KPNA3: variants seen among roughly 807,000 people sequenced by gnomAD.
KPNA3 encodes the protein karyopherin subunit alpha 3.
KPNA3 carries 13 observed loss-of-function variants against 73.8 expected under a neutral mutation model. The ratio of observed to expected loss-of-function variants is 0.18; its 90% CI spans 0.11 to 0.28. The LOEUF is 0.28. KPNA3 is among the 10% of genes least tolerant of loss of function. The pLI is 1.00. For missense variants in KPNA3, 360 were observed against 618.1 expected (o/e 0.58, Z 4.43); for synonymous variants, 186 against 206.9 (o/e 0.90, Z 0.87).
chr13:49,734,869 T>C (rs1954505044), intron 2 of KPNA3, among the ~76,000 whole-genome samples: 1 of 151,734 alleles, frequency 6.6e-6, no homozygotes, highest in Admixed American at 6.6e-5. Context: ...CTTTGATGAA[T>C]TTCCCCTTCT....
At chr13:49,790,742 T>A (rs187817699) in intron 1 of KPNA3, among the ~76,000 whole-genome samples, 39 of 152,382 alleles carry the variant, frequency 2.6e-4, no homozygotes, top group African/African-American at 9.1e-4. Context: ...GTACCTATTA[T>A]GTGCAGGAGT....
chr13:49,792,602 G>C lies in KPNA3; in HGVS notation c.-96C>G, dbSNP rs965811797. 25 of 356,292 alleles carry C rather than the reference G, an allele frequency of 7.0e-5. No homozygotes were observed. Among genetic ancestry groups the C allele is most frequent in the East Asian group, 5.7e-4 (7 of 12,232 alleles). 22.1% of individuals were successfully genotyped at this position (356,292 alleles called of 1,614,324 possible). A position where few individuals can be genotyped will look rare whatever the true frequency, so the allele number is the denominator to read the frequency against. On this transcript the variant is annotated 5_prime_UTR_variant, in exon 1 of 17. Coordinates refer to ENST00000261667, the MANE Select transcript of KPNA3 (RefSeq NM_002267.4). Reference sequence around the variant, plus strand: ...AGGGGGAGGAGGGGGAGAGCGGGAGGGGGGAGGGGAGAGAAGAGCACGTTC... The same window carrying C: ...AGGGGGAGGAGGGGGAGAGCGGGAGCGGGGAGGGGAGAGAAGAGCACGTTC...
intron 1 of KPNA3, among the ~76,000 whole-genome samples, chr13:49,748,959 T>C (rs1471605103): frequency 6.6e-6 from 1 of 152,220 alleles, no homozygotes; most frequent in Non-Finnish European, 1.5e-5. Context: ...ACTGGAAGAT[T>C]AGAACTCTAC....
rs748646892 is a variant in KPNA3 at position 49,792,456 on chromosome 13, G to C, written c.51C>G (p.Asn17Lys). The C allele has an allele frequency of 8.9e-6, 14 of 1,581,304 alleles. No homozygotes were observed. Among genetic ancestry groups the C allele is most frequent in the Non-Finnish European group, 3.4e-6 (4 of 1,165,560 alleles). ...CACTCACTTCCACATCGCGGCCCTT[G>C]TTCTTGAAGCTCTTGATGCGGTGGT... ...LENHRIKSFKNKGRDVETMRR... is the reference protein window; with the variant it reads ...LENHRIKSFKKKGRDVETMRR... Residue 17 changes from asparagine to lysine, a missense_variant, in exon 1 of 17, where the codon AAC becomes AAG. Physicochemically the swap from Asn to Lys is moderately conservative, Grantham distance 94 (BLOSUM62 0). Around this residue, in one of 3 missense-constraint regions of KPNA3, gnomAD observed 35 missense variants for 30.0 expected, o/e 1.17. Coordinates refer to ENST00000261667, the MANE Select transcript of KPNA3 (RefSeq NM_002267.4).
At chr13:49,704,966 C>T (rs904579732) in intron 15 of KPNA3, among the ~76,000 whole-genome samples, 1 of 152,088 alleles carries the variant, frequency 6.6e-6, no homozygotes, top group South Asian at 2.1e-4. Flanking sequence ...TTAAGAAATG[C>T]TGGATTAAAT....
At chr13:49,759,585 A>G (rs935295300) in intron 1 of KPNA3, among the ~76,000 whole-genome samples, 1 of 152,146 alleles carries the variant, frequency 6.6e-6, no homozygotes, top group African/African-American at 2.4e-5. Context: ...ATGATGGGAG[A>G]TGGTGACAGA....
intron 1 of KPNA3, among the ~76,000 whole-genome samples, chr13:49,779,561 G>A (rs759694428): frequency 1.3e-5 from 2 of 151,996 alleles, no homozygotes; most frequent in Non-Finnish European, 2.9e-5. Flanking sequence ...TCAGTCGTTT[G>A]TTCCTTTTCT....
chr13:49,738,940 C>G (rs1954548869), intron 2 of KPNA3, among the ~76,000 whole-genome samples: 2 of 152,202 alleles, frequency 1.3e-5, no homozygotes. Context: ...TTTAGTCTTT[C>G]ACCATTAAGT....
intron 1 of KPNA3, among the ~76,000 whole-genome samples, chr13:49,772,477 A>G (rs889217006): frequency 6.6e-6 from 1 of 152,200 alleles, no homozygotes; most frequent in Non-Finnish European, 1.5e-5. Flanking sequence ...GTAAAATAGG[A>G]CAACCACCTT....
chr13:49,786,235 A>G (rs962050588), intron 1 of KPNA3, among the ~76,000 whole-genome samples: 8 of 152,218 alleles, frequency 5.3e-5, no homozygotes, highest in Non-Finnish European at 1.2e-4. Context: ...TTTTTCAGGT[A>G]TATCATCTAG....
At position 49,732,522 on chromosome 13, in the gene KPNA3, A is replaced by G. The variant is rs576242247; in HGVS notation, c.288-56T>C. ...TATAATTTTCAAACTGTGAAAAGAA[A>G]TAACAACATATTAACTTCTAGACTA... On this transcript the variant is annotated intron_variant, in intron 5 of 16. Coordinates refer to ENST00000261667, the MANE Select transcript of KPNA3 (RefSeq NM_002267.4). 3.4e-6 allele frequency: 5 copies of G among 1,453,044 alleles called. No individual in the cohort carries two copies. The African/African-American group carries it at 4.2e-5, about 12-fold the overall frequency. 90.0% of individuals were successfully genotyped at this position (1,453,044 alleles called of 1,614,324 possible). A position where few individuals can be genotyped will look rare whatever the true frequency, so the allele number is the denominator to read the frequency against.
chr13:49,759,324 A>G (rs1267985309), intron 1 of KPNA3, among the ~76,000 whole-genome samples: 4 of 152,222 alleles, frequency 2.6e-5, no homozygotes, highest in Non-Finnish European at 4.4e-5. Flanking sequence ...GGTTTCTCTT[A>G]ATAGATGTAG....
Position 49,761,223 on chromosome 13 carries a change from C to T in KPNA3, c.70-14230G>A, listed in dbSNP as rs778366921. Among the ~76,000 whole-genome samples, 357 of 151,872 alleles carry T rather than the reference C, an allele frequency of 2.4e-3. 1 individual carries two copies. Among genetic ancestry groups the T allele is most frequent in the Non-Finnish European group, 4.1e-3 (281 of 67,956 alleles). On this transcript the variant is annotated intron_variant, in intron 1 of 16. Transcript: ENST00000261667. ...GTCCCTCTCCCTCTCCCTCTCCCCA[C>T]GGTCTCCCTCTCCCTCTCCCCACAG...
chr13:49,728,145 G>T (rs1371365389), intron 6 of KPNA3, among the ~76,000 whole-genome samples: 1 of 151,304 alleles, frequency 6.6e-6, no homozygotes, highest in Non-Finnish European at 1.5e-5. Flanking sequence ...TGAGGCAGGA[G>T]AATGGTGTGA....
rs1345045436 is a variant in KPNA3, at chr13:49,705,611, C to T, written c.1372+10G>A. On this transcript the variant is annotated intron_variant, in intron 15 of 16. Coordinates refer to ENST00000261667, the MANE Select transcript of KPNA3 (RefSeq NM_002267.4). ...GCTCAAATACTCTTCTTCCATCAAT[C>T]CACTCTTACCTCCACATTCCTCTAT... 1.2e-6 allele frequency: 2 copies of T among 1,610,596 alleles called. No individual in the cohort carries two copies. The highest frequency in any genetic ancestry group is 2.7e-5 in the African/African-American group (2 of 74,778).
chr13:49,757,046 A>T lies in KPNA3; in HGVS notation c.70-10053T>A, dbSNP rs924147406. Among the ~76,000 whole-genome samples, 11 of 152,342 alleles carry T rather than the reference A, an allele frequency of 7.2e-5. No individual in the cohort carries two copies. The South Asian group carries it at 1.7e-3, about 23-fold the overall frequency. On this transcript the variant is annotated intron_variant, in intron 1 of 16. Coordinates refer to ENST00000261667, the MANE Select transcript of KPNA3 (RefSeq NM_002267.4). The stretch of plus-strand genomic sequence containing the variant: ...ACTTAAGCCTCACACCTTAAAAAAA[A>T]TTTAATTCAAAATAAATGTGAAACT...
intron 10 of KPNA3, among the ~76,000 whole-genome samples, chr13:49,712,235 G>T (rs1299478229): frequency 6.6e-6 from 1 of 152,096 alleles, no homozygotes; most frequent in African/African-American, 2.4e-5. Context: ...TTCATACCAA[G>T]ATCCAGGAAA....
intron 1 of KPNA3, among the ~76,000 whole-genome samples, chr13:49,764,198 A>G (rs1309381025): frequency 2.0e-5 from 3 of 151,034 alleles, no homozygotes; most frequent in Non-Finnish European, 4.4e-5. Flanking sequence ...TAGTCCTCAT[A>G]CTTCATCAAC....
chr13:49,747,090 C>T, intron 1 of KPNA3, 97 bp from the exon 2 acceptor site: 1 of 863,216 alleles, frequency 1.2e-6, no homozygotes, highest in Non-Finnish European at 1.8e-6. Context: ...GCCTATAATC[C>T]TAGCACTTTG....
Sources: allele counts gnomAD v4.1 joint callset (sites outside exome capture counted in the v4.1 genomes callset), GRCh38; gene constraint gnomAD v4.1.1; regional missense constraint gnomAD v4.1.1; transcripts MANE v1.5; gene names NCBI Gene and HGNC (gene_info 2026-07-23, HGNC 2026-07-21).